Variants in LY86 observed in about 807,000 individuals in gnomAD.
LY86 encodes the protein MD-1, RP105-associated.
A neutral mutation model predicts 17.3 loss-of-function variants in LY86; 20 were observed. That is an observed-to-expected ratio of 1.15 (90% CI 0.81 to 1.68). The LOEUF (loss-of-function observed/expected upper bound fraction) is 1.68, where lower values mean the gene tolerates loss of function less well. Ranked by LOEUF, LY86 falls within the 40% of genes most tolerant of loss-of-function variation. The pLI, the probability that LY86 is intolerant of heterozygous loss-of-function variation, is 0.00. For missense variants in LY86, 200 were observed against 191.9 expected, an observed-to-expected ratio of 1.04 and a Z score of -0.25; for synonymous variants, 74 against 70.6, an observed-to-expected ratio of 1.05 and a Z score of -0.24.
chr6:6,622,806 A>G (rs905328703), intron 1 of LY86: 13 of 152,268 alleles, frequency 8.5e-5, no homozygotes, highest in African/African-American at 3.1e-4. Context: ...CAGAACTACC[A>G]GATGCCATAT....
At chr6:6,607,493 AAAAAC>A (rs1347821519) in intron 1 of LY86, among the ~76,000 whole-genome samples, 140 of 151,656 alleles carry the variant, frequency 9.2e-4, no homozygotes, top group Non-Finnish European at 1.5e-5. Flanking sequence ...ACAAAACAAT[AAAAAC>A]AAAAGAAAAA....
chr6:6,613,467 C>T lies in LY86; in HGVS notation c.137-11459C>T, dbSNP rs550802280. Among the ~76,000 whole-genome samples the T allele has an allele frequency of 2.2e-4, 34 of 152,306 alleles. No individual in the cohort carries two copies. The South Asian group carries it at 3.1e-3, about 14-fold the overall frequency. On this transcript the variant is annotated intron_variant, in intron 1 of 4. Transcript: ENST00000230568. The stretch of plus-strand genomic sequence containing the variant: ...AGGCAGCCAAGGCCCGGTGAGAAAT[C>T]GAGCACAGCAGCTGCTGGCCCAGGT...
intron 1 of LY86, among the ~76,000 whole-genome samples, chr6:6,615,857 T>A (rs1055491448): frequency 1.3e-5 from 2 of 151,726 alleles, no homozygotes; most frequent in African/African-American, 4.8e-5. Flanking sequence ...CCAGACCCTA[T>A]CTCAAAAAAT....
chr6:6,653,622 C>T (rs1456538953), intron 4 of LY86, among the ~76,000 whole-genome samples: 1 of 152,140 alleles, frequency 6.6e-6, no homozygotes. Flanking sequence ...TTGCTGCCAG[C>T]AAGGATCCCC....
chr6:6,599,001 T>C (rs899023652), intron 1 of LY86, among the ~76,000 whole-genome samples: 1 of 152,242 alleles, frequency 6.6e-6, no homozygotes, highest in African/African-American at 2.4e-5. Context: ...CCACTTGAGC[T>C]GATCAGTCCT....
chr6:6,609,845 T>G (rs62391992), intron 1 of LY86, among the ~76,000 whole-genome samples: 6 of 148,964 alleles, frequency 4.0e-5, no homozygotes, highest in Non-Finnish European at 7.4e-5. Flanking sequence ...TCCATTAAAA[T>G]TTAAAAAAAA....
chr6:6,608,854 G>A (rs896628026), intron 1 of LY86, among the ~76,000 whole-genome samples: 24 of 152,166 alleles, frequency 1.6e-4, no homozygotes, highest in African/African-American at 5.8e-4. Context: ...TTGTTCAACG[G>A]GTGAACTCTT....
chr6:6,603,997 T>C (rs1761011221), intron 1 of LY86, among the ~76,000 whole-genome samples: 2 of 152,200 alleles, frequency 1.3e-5, no homozygotes, highest in South Asian at 2.1e-4. Flanking sequence ...CTAAGTATAC[T>C]ATCATCTAGG....
intron 1 of LY86, among the ~76,000 whole-genome samples, chr6:6,595,386 A>C (rs1253413615): frequency 5.5e-5 from 4 of 72,834 alleles, no homozygotes; most frequent in Non-Finnish European, 1.6e-4. Context: ...AGAGGGGAGA[A>C]GAGAAGGAGG....
At chr6:6,605,545 G>A (rs758651316) in intron 1 of LY86, among the ~76,000 whole-genome samples, 2 of 152,372 alleles carry the variant, frequency 1.3e-5, no homozygotes, top group Admixed American at 6.5e-5. Flanking sequence ...CCATAACATG[G>A]CAACGTGCTT....
At chr6:6,629,008 TAAAAC>T (rs1182161535) in intron 3 of LY86, among the ~76,000 whole-genome samples, 1 of 152,214 alleles carries the variant, frequency 6.6e-6, no homozygotes, top group Non-Finnish European at 1.5e-5. Context: ...ATAGGATTGA[TAAAAC>T]AGAAGAGAGA....
chr6:6,604,522 A>G (rs1581234733), intron 1 of LY86, among the ~76,000 whole-genome samples: 3 of 152,244 alleles, frequency 2.0e-5, no homozygotes, highest in Non-Finnish European at 2.9e-5. Flanking sequence ...AAAGGTCTAG[A>G]GCTATGACTC....
intron 1 of LY86, among the ~76,000 whole-genome samples, chr6:6,607,021 C>G (rs1038204137): frequency 4.6e-5 from 7 of 152,222 alleles, no homozygotes; most frequent in Admixed American, 1.3e-4. Flanking sequence ...CTGGGCTACT[C>G]CAGAGGAGGG....
At chr6:6,606,135 G>A (rs972747453) in intron 1 of LY86, among the ~76,000 whole-genome samples, 9 of 152,148 alleles carry the variant, frequency 5.9e-5, no homozygotes, top group Admixed American at 5.9e-4. Flanking sequence ...AGAGAAGGCC[G>A]AGTGGTCCAT....
At position 6,603,605 on chromosome 6, in the gene LY86, G is replaced by GA. The variant is rs1180805376; in HGVS notation, c.136+14744dup. On this transcript the variant is annotated intron_variant, in intron 1 of 4. Transcript: ENST00000230568. ...AAAGCCAAAAACAAAAACAGAAACA[G>GA]AAAAAAAAACAAACAAAAAAAAACA... Among the ~76,000 whole-genome samples the GA allele has an allele frequency of 1.5e-4, 16 of 104,994 alleles. 1 individual carries two copies. Among genetic ancestry groups the GA allele is most frequent in the East Asian group, 2.8e-4 (1 of 3,598 alleles). 68.9% of individuals were successfully genotyped at this position (104,994 alleles called of 152,430 possible). A position where few individuals can be genotyped will look rare whatever the true frequency, so the allele number is the denominator to read the frequency against.
chr6:6,635,091 A>T (rs1761943188), intron 3 of LY86, among the ~76,000 whole-genome samples: 1 of 152,182 alleles, frequency 6.6e-6, no homozygotes, highest in Non-Finnish European at 1.5e-5. Context: ...CTGCACATAC[A>T]TTAACAAATG....
chr6:6,604,468 C>T (rs1761031697), intron 1 of LY86, among the ~76,000 whole-genome samples: 1 of 151,808 alleles, frequency 6.6e-6, no homozygotes, highest in Admixed American at 6.6e-5. Flanking sequence ...TATGTTAAAA[C>T]ATTGTTTTTA....
At chr6:6,598,701 C>A (rs1478263066) in intron 1 of LY86, among the ~76,000 whole-genome samples, 1 of 151,326 alleles carries the variant, frequency 6.6e-6, no homozygotes, top group Non-Finnish European at 1.5e-5. Context: ...ATTGTCCCAC[C>A]CTTATTGTAT....
At chr6:6,622,373 A>T (rs1360961638) in intron 1 of LY86, among the ~76,000 whole-genome samples, 1 of 152,196 alleles carries the variant, frequency 6.6e-6, no homozygotes, top group African/African-American at 2.4e-5. Flanking sequence ...ACTTAAATTT[A>T]TCCACAATTT....
Sources: allele counts gnomAD v4.1 joint callset (sites outside exome capture counted in the v4.1 genomes callset), GRCh38; gene constraint gnomAD v4.1.1; transcripts MANE v1.5; gene names NCBI Gene and HGNC (gene_info 2026-07-23, HGNC 2026-07-21).